BABAM2: variants seen among roughly 807,000 people sequenced by gnomAD.
BABAM2 encodes the protein BRISC and BRCA1 A complex member 2.
BABAM2 carries 31 observed loss-of-function variants against 54.7 expected under a neutral mutation model. The ratio of observed to expected loss-of-function variants is 0.57; its 90% CI spans 0.43 to 0.77. BABAM2 has a LOEUF of 0.77. Among genes scored for constraint, BABAM2 ranks in the 30% least tolerant of loss-of-function variants. The pLI is 0.00. For missense variants in BABAM2, 364 were observed against 455.8 expected (o/e 0.80, Z 1.83); for synonymous variants, 167 against 162.9 (o/e 1.03, Z -0.19).
At chr2:28,106,359 G>A (rs1044907399) in intron 6 of BABAM2, among the ~76,000 whole-genome samples, 7 of 152,132 alleles carry the variant, frequency 4.6e-5, no homozygotes, top group Admixed American at 3.3e-4. Flanking sequence ...GAGCTCAAGC[G>A]CTCCTCCCAC....
chr2:28,294,835 A>C (rs1444275332), intron 10 of BABAM2, among the ~76,000 whole-genome samples: 1 of 152,220 alleles, frequency 6.6e-6, no homozygotes, highest in Non-Finnish European at 1.5e-5. Flanking sequence ...TGCCAGTTTT[A>C]TCTCTGAAGT....
Position 28,000,158 on chromosome 2 carries a change from C to T in BABAM2, c.300+12071C>T, listed in dbSNP as rs186893018. Among the ~76,000 whole-genome samples the T allele has an allele frequency of 3.5e-4, 53 of 152,148 alleles. 1 individual carries two copies. The East Asian group carries it at 8.9e-3, about 26-fold the overall frequency. On this transcript the variant is annotated intron_variant, in intron 4 of 11. Coordinates refer to ENST00000379624, the MANE Select transcript of BABAM2 (RefSeq NM_199191.3). ...TGATATATTATTATTAACTAAAGTCCGTACTTTATTCCGATTTTAAAAATT... is the reference window on the plus strand; with the variant it reads ...TGATATATTATTATTAACTAAAGTCTGTACTTTATTCCGATTTTAAAAATT...
intron 6 of BABAM2, among the ~76,000 whole-genome samples, chr2:28,058,605 G>A (rs1377123458): frequency 6.6e-6 from 1 of 151,458 alleles, no homozygotes; most frequent in African/African-American, 2.4e-5. Flanking sequence ...TACCAGCTGG[G>A]GTGCATGGTC....
At position 27,982,619 on chromosome 2, in the gene BABAM2, G is replaced by T. The variant is rs372967015; in HGVS notation, c.206-5374G>T. Among the ~76,000 whole-genome samples, 17 of 148,854 alleles carry T rather than the reference G, an allele frequency of 1.1e-4. No individual in the cohort carries two copies. In the East Asian group the frequency reaches 3.1e-3, roughly 27 times the overall value. On this transcript the variant is annotated intron_variant, in intron 3 of 11. Coordinates refer to ENST00000379624, the MANE Select transcript of BABAM2 (RefSeq NM_199191.3). ...GATGCTTAAAAAACCCATTTAATTG[G>T]GATAAAATATACTTAACAAAATTTA...
chr2:28,158,256 A>G (rs1392455551), intron 7 of BABAM2, among the ~76,000 whole-genome samples: 1 of 152,226 alleles, frequency 6.6e-6, no homozygotes, highest in African/African-American at 2.4e-5. Flanking sequence ...AAAAATAAAA[A>G]CAACAAAATG....
chr2:27,892,826 T>C (rs977257508), intron 1 of BABAM2, among the ~76,000 whole-genome samples: 2 of 152,200 alleles, frequency 1.3e-5, no homozygotes, highest in Admixed American at 6.5e-5. Context: ...GGCGGTCATC[T>C]GTTAAGCGGT....
chr2:28,103,588 C>T (rs1042099940), intron 6 of BABAM2, among the ~76,000 whole-genome samples: 10 of 152,200 alleles, frequency 6.6e-5, no homozygotes, highest in East Asian at 3.9e-4. Flanking sequence ...GGATGACAGG[C>T]GTGAGCCACT....
chr2:27,910,807 G>A lies in BABAM2; in HGVS notation c.128+16123G>A, dbSNP rs540156170. On this transcript the variant is annotated intron_variant, in intron 2 of 11. Coordinates refer to ENST00000379624, the MANE Select transcript of BABAM2 (RefSeq NM_199191.3). ...AGAGTTCCATTGTGTAACATGCCAC[G>A]GTTTATCTACTGTACTTTTGAAGGG... 7.9e-5 allele frequency among the ~76,000 whole-genome samples: 12 copies of A among 152,158 alleles called. No homozygotes were observed. The South Asian group carries it at 1.2e-3, about 16-fold the overall frequency.
At chr2:28,130,522 G>A (rs1459477935) in intron 7 of BABAM2, among the ~76,000 whole-genome samples, 1 of 151,950 alleles carries the variant, frequency 6.6e-6, no homozygotes, top group African/African-American at 2.4e-5. Flanking sequence ...GCATGCTTAT[G>A]GCTCACTGCA....
intron 6 of BABAM2, among the ~76,000 whole-genome samples, chr2:28,081,090 A>G (rs966099947): frequency 6.6e-6 from 1 of 152,208 alleles, no homozygotes; most frequent in African/African-American, 2.4e-5. Context: ...GTGAAGCAAT[A>G]ATGAGCCTAC....
At chr2:28,172,961 T>C (rs927412295) in intron 7 of BABAM2, among the ~76,000 whole-genome samples, 1 of 152,196 alleles carries the variant, frequency 6.6e-6, no homozygotes, top group Admixed American at 6.5e-5. Context: ...GTGCAGCCTC[T>C]CTTCCTGGCT....
chr2:28,261,521 G>A (rs1684532678), intron 10 of BABAM2, among the ~76,000 whole-genome samples: 1 of 151,824 alleles, frequency 6.6e-6, no homozygotes, highest in African/African-American at 2.4e-5. Flanking sequence ...TTTTAGTAGA[G>A]ACAGTGTTTC....
At chr2:28,144,976 T>C (rs557731339) in intron 7 of BABAM2, among the ~76,000 whole-genome samples, 15 of 152,198 alleles carry the variant, frequency 9.9e-5, no homozygotes, top group Non-Finnish European at 2.1e-4. Context: ...CCGAGTGTGG[T>C]CCTCACAGCA....
intron 4 of BABAM2, among the ~76,000 whole-genome samples, chr2:28,004,131 C>CAA (rs60410658): frequency 0.027 from 3,689 of 136,646 alleles, 60 homozygotes; most frequent in African/African-American, 0.038. Context: ...TTTTAAAAAG[C>CAA]AAAAAAAAAA....
rs1231700410 is a variant in BABAM2 at position 28,329,202 on chromosome 2, G to A, written c.1089-9248G>A. ...GATAACTTATGCTTCCTGAGCTAGAGGGCAGAGGGGTGGCCGAGAGGAACA... is the reference window on the plus strand; with the variant it reads ...GATAACTTATGCTTCCTGAGCTAGAAGGCAGAGGGGTGGCCGAGAGGAACA... On this transcript the variant is annotated intron_variant, in intron 11 of 11. Coordinates refer to ENST00000379624, the MANE Select transcript of BABAM2 (RefSeq NM_199191.3). This position sits in a 1 kb window ranked among gnomAD's most constrained non-coding sequence, Gnocchi z 4.2. Among the ~76,000 whole-genome samples the A allele has an allele frequency of 3.3e-5, 5 of 152,186 alleles. No homozygotes were observed. Among genetic ancestry groups the A allele is most frequent in the Non-Finnish European group, 7.3e-5 (5 of 68,040 alleles).
intron 6 of BABAM2, among the ~76,000 whole-genome samples, chr2:28,113,628 T>C (rs1668339776): frequency 6.6e-6 from 1 of 152,240 alleles, no homozygotes; most frequent in Non-Finnish European, 1.5e-5. Context: ...GTCTTGGCTC[T>C]ATGGGCTCTT....
In BABAM2 at chr2:28,337,198, A is replaced by G. The variant is rs904098450; in HGVS notation, c.1089-1252A>G. 2.0e-5 allele frequency among the ~76,000 whole-genome samples: 3 copies of G among 151,958 alleles called. No individual in the cohort carries two copies. The East Asian group carries it at 5.8e-4, about 29-fold the overall frequency. Reference sequence around the variant, plus strand: ...GCAGGGCTAGAAGGCAAGCCTGGTGACCAGGAGCACGGGTGCCCACCTCCT... The same window carrying G: ...GCAGGGCTAGAAGGCAAGCCTGGTGGCCAGGAGCACGGGTGCCCACCTCCT... On this transcript the variant is annotated intron_variant, in intron 11 of 11. Coordinates refer to ENST00000379624, the MANE Select transcript of BABAM2 (RefSeq NM_199191.3).
intron 4 of BABAM2, among the ~76,000 whole-genome samples, chr2:27,990,282 A>G (rs189632987): frequency 6.6e-6 from 1 of 152,318 alleles, no homozygotes; most frequent in East Asian, 1.9e-4. Context: ...TCTGATTAAA[A>G]CACCAGACAG....
intron 2 of BABAM2, among the ~76,000 whole-genome samples, chr2:27,900,948 C>T (rs1002232722): frequency 2.0e-5 from 3 of 147,662 alleles, no homozygotes; most frequent in African/African-American, 7.5e-5. Flanking sequence ...GAGGCTGAGG[C>T]AGGAGAATGG....
Sources: gnomAD v4.1 joint callset for allele counts (sites outside exome capture counted in the v4.1 genomes callset) on GRCh38, gnomAD v4.1.1 for gene constraint, Gnocchi (gnomAD v3.1) non-coding constraint, MANE v1.5 for transcripts, NCBI Gene and HGNC (gene_info 2026-07-23, HGNC 2026-07-21) for gene names.